Variants in ACOX2 observed in about 807,000 individuals in gnomAD.
ACOX2 encodes the protein peroxisomal acyl-coenzyme A oxidase 2.
ACOX2 carries 59 observed loss-of-function variants against 77.5 expected under a neutral mutation model. That is an observed-to-expected ratio of 0.76 (90% CI 0.62 to 0.95). The LOEUF (loss-of-function observed/expected upper bound fraction) is 0.95. Among genes scored for constraint, ACOX2 ranks in the 40% least tolerant of loss-of-function variants. The pLI is 0.00. For synonymous variants in ACOX2, 317 were observed against 340.1 expected (o/e 0.93, Z 0.75); for missense variants, 837 against 880.4 (o/e 0.95, Z 0.62).
chr3:58,521,842 T>C lies in ACOX2; in HGVS notation c.1632+654A>G, dbSNP rs1202033945. Reference sequence around the variant, plus strand: ...CCAGGATCCTTCTTGCTGCTTCCTTTTGCACGCGCAGCTCCCTTTGCCTGG... The same window carrying C: ...CCAGGATCCTTCTTGCTGCTTCCTTCTGCACGCGCAGCTCCCTTTGCCTGG... On this transcript the variant is annotated intron_variant, in intron 12 of 14. Transcript: ENST00000302819. This position sits in a 1 kb window ranked among gnomAD's most constrained non-coding sequence, Gnocchi z 4.8. 1.3e-5 allele frequency among the ~76,000 whole-genome samples: 2 copies of C among 152,166 alleles called. No individual in the cohort carries two copies. The highest frequency in any genetic ancestry group is 4.8e-5 in the African/African-American group (2 of 41,432).
In ACOX2 at chr3:58,534,042, T is replaced by C; in HGVS notation, c.427A>G (p.Lys143Glu). The C allele has an allele frequency of 6.2e-7, 1 of 1,614,224 alleles. No homozygotes were observed. Among genetic ancestry groups the C allele is most frequent in the East Asian group, 2.2e-5 (1 of 44,884 alleles). Residue 143 changes from lysine (K) to glutamate (E), a missense_variant, in exon 4 of 15, where the codon AAA becomes GAA. Transcript: ENST00000302819. This position sits in a 1 kb window ranked among gnomAD's most constrained non-coding sequence, Gnocchi z 4.8. ...EQIAKWDPLC[K>E]NIQIIATYAQ... ...TACGTTGCGATGATCTGGATGTTTT[T>C]GCAGAGTGGGTCCCATTTGGCAATC...
In ACOX2 at chr3:58,535,094, C is replaced by T; in HGVS notation, c.13G>A (p.Val5Met). The change falls in exon 2 of 15, where the codon GTG (valine) becomes ATG (methionine). Residue 5 changes from valine to methionine, a missense_variant. Physicochemically the swap from Val to Met is conservative, Grantham distance 21. Coordinates refer to ENST00000302819, the MANE Select transcript of ACOX2 (RefSeq NM_003500.4). The surrounding 1 kb of genome is among the most constrained non-coding windows in gnomAD (Gnocchi z 4.8). MGSPVHRVSLGDTWS... is the reference protein window; with the variant it reads MGSPMHRVSLGDTWS... The stretch of plus-strand genomic sequence containing the variant: ...GTATCCCCCAATGACACTCGGTGCA[C>T]TGGGCTGCCCATCCTATCCTGGATC... 1 of 1,614,208 alleles carries T rather than the reference C, an allele frequency of 6.2e-7. No individual in the cohort carries two copies.
rs558885137 is a variant in ACOX2 at position 58,519,573 on chromosome 3, G to A, written c.1633-2150C>T. On this transcript the variant is annotated intron_variant, in intron 12 of 14. Transcript: ENST00000302819. The surrounding 1 kb of genome is among the most constrained non-coding windows in gnomAD (Gnocchi z 5.0). ...ATGATGGGGAACCATGGAGGTTAGG[G>A]TGGACTCATACCTGGGGCCCAGGTC... is the stretch of plus-strand genomic sequence containing the variant. Among the ~76,000 whole-genome samples, 2 of 152,272 alleles carry A rather than the reference G, an allele frequency of 1.3e-5. No homozygotes were observed. Among genetic ancestry groups the A allele is most frequent in the Admixed American group, 6.5e-5 (1 of 15,304 alleles).
In ACOX2 at chr3:58,534,453, T is replaced by C. The variant is rs371877390; in HGVS notation, c.230A>G (p.Tyr77Cys). The change falls in exon 3 of 15, where the codon TAT (tyrosine) becomes TGT (cysteine). Residue 77 changes from tyrosine (Y) to cysteine (C), a missense_variant. Physicochemically the swap from Tyr to Cys is radical, Grantham distance 194. Transcript: ENST00000302819. This position sits in a 1 kb window ranked among gnomAD's most constrained non-coding sequence, Gnocchi z 4.8. ...GAATGCCCTCCGCATGGCAGCCTTA[T>C]AACGCTCATTCTGGGTCATGAAATA... Reference protein sequence around the residue: ...DNYFMTQNERYKAAMRRAFHI... With the variant: ...DNYFMTQNERCKAAMRRAFHI... 1 of 1,614,094 alleles carries C rather than the reference T, an allele frequency of 6.2e-7. No individual in the cohort carries two copies. Among genetic ancestry groups the C allele is most frequent in the African/African-American group, 1.3e-5 (1 of 74,942 alleles).
At chr3:58,509,146 TCAG>T in intron 13 of ACOX2, 121 bp from the exon 14 acceptor site, 2 of 1,219,398 alleles carry the variant, frequency 1.6e-6, no homozygotes, top group Non-Finnish European at 2.3e-6. Context: ...TTCAAACAAT[TCAG>T]CATTTTTTTT....
chr3:58,536,684 G>A (rs2063484097), intron 1 of ACOX2, among the ~76,000 whole-genome samples: 1 of 151,954 alleles, frequency 6.6e-6, no homozygotes, highest in Non-Finnish European at 1.5e-5. Context: ...CATTTGCTAG[G>A]GCATCTCCAT....
rs747298899 is a variant in ACOX2 at position 58,528,887 on chromosome 3, A to G, written c.1062T>C (p.Ser354=). 2.5e-6 allele frequency: 4 copies of G among 1,613,768 alleles called. No homozygotes were observed. The highest frequency in any genetic ancestry group is 1.7e-6 in the Non-Finnish European group (2 of 1,179,850). The change falls in exon 9 of 15, where the codon AGT becomes AGC. Residue 354 remains serine, a synonymous_variant. Transcript: ENST00000302819. The surrounding 1 kb of genome is among the most constrained non-coding windows in gnomAD (Gnocchi z 5.6). ...TGACTGCCAGGAAATGGAAGGCATA[A>G]CTGATGGCCAGCTGAGGAAAGAGTT... ...QQKLFPQLAI[S]YAFHFLAVSL...
chr3:58,510,353 C>T (rs982070532), intron 13 of ACOX2, among the ~76,000 whole-genome samples: 2 of 151,842 alleles, frequency 1.3e-5, no homozygotes, highest in East Asian at 3.9e-4. Flanking sequence ...ATTCAACAGG[C>T]CGGGCGCGAT....
intron 5 of ACOX2, among the ~76,000 whole-genome samples, chr3:58,532,094 C>T (rs998252591): frequency 6.6e-6 from 1 of 152,080 alleles, no homozygotes; most frequent in Non-Finnish European, 1.5e-5. Context: ...TATCATTTAT[C>T]AAAATCTAGG....
At position 58,526,801 on chromosome 3, in the gene ACOX2, G is replaced by T; in HGVS notation, c.1156-145C>A. 1 of 851,804 alleles carries T rather than the reference G, an allele frequency of 1.2e-6. No homozygotes were observed. The highest frequency in any genetic ancestry group is 1.8e-6 in the Non-Finnish European group (1 of 563,518). 52.8% of individuals were successfully genotyped at this position (851,804 alleles called of 1,614,324 possible). ...TTCCTCTGCTCACAACTTTATGAAT[G>T]AGAAGGCGGGTACTCAGCTTATGTG... On this transcript the variant is annotated intron_variant, in intron 9 of 14. Transcript: ENST00000302819. The surrounding 1 kb of genome is among the most constrained non-coding windows in gnomAD (Gnocchi z 4.3).
chr3:58,509,528 AAAATAAATAAAT>A (rs377185878), intron 13 of ACOX2, among the ~76,000 whole-genome samples: 2 of 151,462 alleles, frequency 1.3e-5, no homozygotes, highest in African/African-American at 2.4e-5. Context: ...CTCCTGTCCC[AAAATAAATAAAT>A]AAATAAATAA....
chr3:58,513,620 C>A (rs896480045), intron 13 of ACOX2, among the ~76,000 whole-genome samples: 19 of 151,242 alleles, frequency 1.3e-4, no homozygotes, highest in African/African-American at 4.6e-4. Flanking sequence ...TCTCTTAACT[C>A]TGAGATATCA....
Position 58,526,652 on chromosome 3 carries a change from T to TGGA in ACOX2, c.1157_1159dup (p.Leu386dup), listed in dbSNP as rs754399964. On this transcript the variant is annotated inframe_insertion, in exon 10 of 15. Coordinates refer to ENST00000302819, the MANE Select transcript of ACOX2 (RefSeq NM_003500.4). This position sits in a 1 kb window ranked among gnomAD's most constrained non-coding sequence, Gnocchi z 4.3. ...GGCCTTCATGCCCGTGCTCAGTGCG[T>TGGA]GGAGCTGTGAGAACATGGAGGGGGG... 1.2e-6 allele frequency: 2 copies of TGGA among 1,613,538 alleles called. No homozygotes were observed. The highest frequency in any genetic ancestry group is 3.3e-5 in the Admixed American group (2 of 59,994).
intron 12 of ACOX2, among the ~76,000 whole-genome samples, chr3:58,518,920 G>T (rs1207251796): frequency 6.6e-6 from 1 of 151,964 alleles, no homozygotes; most frequent in Admixed American, 6.6e-5. Flanking sequence ...GATTACAGGC[G>T]TGAGCCTCTG....
chr3:58,526,316 G>T lies in ACOX2; in HGVS notation c.1346+150C>A. On this transcript the variant is annotated intron_variant, in intron 10 of 14. Coordinates refer to ENST00000302819, the MANE Select transcript of ACOX2 (RefSeq NM_003500.4). This position sits in a 1 kb window ranked among gnomAD's most constrained non-coding sequence, Gnocchi z 4.3. ...GAGGATGGTGGCCTAGAAGTGGATA[G>T]GTTAGTCATACTGGGGAATTGGACA... The T allele has an allele frequency of 2.3e-6, 2 of 859,408 alleles. No individual in the cohort carries two copies. Among genetic ancestry groups the T allele is most frequent in the Non-Finnish European group, 3.5e-6 (2 of 563,722 alleles). 53.2% of individuals were successfully genotyped at this position (859,408 alleles called of 1,614,324 possible).
In ACOX2 at chr3:58,533,711, G is replaced by T; in HGVS notation, c.476-159C>A. 1 of 703,274 alleles carries T rather than the reference G, an allele frequency of 1.4e-6. No individual in the cohort carries two copies. Among genetic ancestry groups the T allele is most frequent in the Non-Finnish European group, 2.4e-6 (1 of 417,044 alleles). The allele number at this position is 703,274 out of a possible 1,614,324, so 43.6% of individuals were successfully genotyped here. Reference sequence around the variant, plus strand: ...GGCAGTTCTCCCCTTTCATCTGTGGGCTGTGTGTGGGACACACAGTCCCCT... The same window carrying T: ...GGCAGTTCTCCCCTTTCATCTGTGGTCTGTGTGTGGGACACACAGTCCCCT... On this transcript the variant is annotated intron_variant, in intron 4 of 14. Transcript: ENST00000302819. The surrounding 1 kb of genome is among the most constrained non-coding windows in gnomAD (Gnocchi z 5.6).
In ACOX2 at chr3:58,508,701, C is replaced by G. The variant is rs182230754; in HGVS notation, c.1983+192G>C. Among the ~76,000 whole-genome samples, 176 of 152,320 alleles carry G rather than the reference C, an allele frequency of 1.2e-3. 2 individuals carry two copies. Among genetic ancestry groups the G allele is most frequent in the Admixed American group, 9.0e-3 (138 of 15,290 alleles). On this transcript the variant is annotated intron_variant, in intron 14 of 14. Coordinates refer to ENST00000302819, the MANE Select transcript of ACOX2 (RefSeq NM_003500.4). ...CATTTTGCTGATTACAATCCAGGCT[C>G]AGAGTTCCTGCCAGGCCATACTGCC... is the stretch of plus-strand genomic sequence containing the variant.
chr3:58,513,290 C>T (rs1204140922), intron 13 of ACOX2, among the ~76,000 whole-genome samples: 1 of 152,174 alleles, frequency 6.6e-6, no homozygotes. Context: ...ATCTGAAACT[C>T]GTATCCTTCA....
In ACOX2 at chr3:58,522,385, C is replaced by T. The variant is rs1018975206; in HGVS notation, c.1632+111G>A. 2.0e-5 allele frequency: 20 copies of T among 1,012,720 alleles called. No individual in the cohort carries two copies. Among genetic ancestry groups the T allele is most frequent in the Non-Finnish European group, 2.5e-5 (17 of 667,646 alleles). The allele number at this position is 1,012,720 out of a possible 1,614,324, so 62.7% of individuals were successfully genotyped here. ...GCCTTGGAAGTGAAATGAGGGCAGC[C>T]GCCACTGAAGCAGAGTTGGGGAATA... On this transcript the variant is annotated intron_variant, in intron 12 of 14. Coordinates refer to ENST00000302819, the MANE Select transcript of ACOX2 (RefSeq NM_003500.4). The surrounding 1 kb of genome is among the most constrained non-coding windows in gnomAD (Gnocchi z 4.3).
Sources: gnomAD v4.1 joint callset for allele counts (sites outside exome capture counted in the v4.1 genomes callset) on GRCh38, gnomAD v4.1.1 for gene constraint, Gnocchi (gnomAD v3.1) non-coding constraint, MANE v1.5 for transcripts, NCBI Gene and HGNC (gene_info 2026-07-23, HGNC 2026-07-21) for gene names.